N4BP1: variants seen among roughly 807,000 people sequenced by gnomAD.
N4BP1 encodes NEDD4-binding protein 1.
N4BP1 carries 21 observed loss-of-function variants against 70.9 expected under a neutral mutation model. That is an observed-to-expected ratio of 0.30 (90% CI 0.21 to 0.43). The LOEUF (loss-of-function observed/expected upper bound fraction) is 0.43. Among genes scored for constraint, N4BP1 ranks in the 20% least tolerant of loss-of-function variants. The pLI, the probability that N4BP1 is intolerant of heterozygous loss-of-function variation, is 1.00. For missense variants in N4BP1, 936 were observed against 1,069.4 expected, an observed-to-expected ratio of 0.88 and a Z score of 1.74; for synonymous variants, 387 against 394.6, an observed-to-expected ratio of 0.98 and a Z score of 0.23.
At chr16:48,602,201 G>C (rs1037275194) in intron 1 of N4BP1, among the ~76,000 whole-genome samples, 1 of 152,118 alleles carries the variant, frequency 6.6e-6, no homozygotes, top group African/African-American at 2.4e-5. Context: ...TCCAGCCTGG[G>C]CGACACAGTG....
At chr16:48,567,942 C>T (rs777779886) in intron 1 of N4BP1, among the ~76,000 whole-genome samples, 6 of 152,070 alleles carry the variant, frequency 3.9e-5, no homozygotes, top group Non-Finnish European at 8.8e-5. Flanking sequence ...CATACCAAGC[C>T]AATATTTCCC....
chr16:48,573,206 G>C (rs932432115), intron 1 of N4BP1, among the ~76,000 whole-genome samples: 3 of 152,044 alleles, frequency 2.0e-5, no homozygotes, highest in Admixed American at 2.0e-4. Flanking sequence ...GCTGCACTGG[G>C]TAACTAAAAA....
rs1963464522 is a variant in N4BP1 at position 48,539,752 on chromosome 16, A to G, written c.*3152T>C. 6.6e-6 allele frequency: 1 copy of G among 152,394 alleles called. No homozygotes were observed. Among genetic ancestry groups the G allele is most frequent in the Non-Finnish European group, 1.5e-5 (1 of 68,144 alleles). The allele number at this position is 152,394 out of a possible 1,614,324, so 9.4% of individuals were successfully genotyped here. On this transcript the variant is annotated 3_prime_UTR_variant, in exon 7 of 7. Transcript: ENST00000262384. The stretch of plus-strand genomic sequence containing the variant: ...GGGGAAAAGTCTGCAAGCCACCTGC[A>G]GAGGAAGAATAGGGTGTTAAGGACT...
intron 1 of N4BP1, among the ~76,000 whole-genome samples, chr16:48,573,108 C>CAA (rs67326386): frequency 3.3e-4 from 37 of 111,208 alleles, no homozygotes; most frequent in African/African-American, 9.8e-4. Flanking sequence ...GACCTTGTCT[C>CAA]AAAAAAAAAA....
In N4BP1 at chr16:48,586,781, TA is replaced by T. The variant is rs1457096114; in HGVS notation, c.198+22993del. On this transcript the variant is annotated intron_variant, in intron 1 of 6. Transcript: ENST00000262384. ...TTTCTTTGGAGTATTCTGTGTTTCT[TA>T]AATAGCTCAACATGATTAGTTTCTG... Among the ~76,000 whole-genome samples the T allele has an allele frequency of 3.3e-5, 5 of 152,248 alleles. No individual in the cohort carries two copies. In the East Asian group the frequency reaches 9.6e-4, roughly 29 times the overall value.
intron 1 of N4BP1, among the ~76,000 whole-genome samples, chr16:48,579,989 G>A (rs1210016511): frequency 6.6e-6 from 1 of 151,974 alleles, no homozygotes; most frequent in African/African-American, 2.4e-5. Context: ...TGAAGGGATA[G>A]ACTATAATAC....
chr16:48,544,960 G>A (rs1229697384), intron 6 of N4BP1, among the ~76,000 whole-genome samples: 3 of 151,978 alleles, frequency 2.0e-5, no homozygotes, highest in Admixed American at 1.3e-4. Flanking sequence ...TGGAAAACTA[G>A]CTTTGTTTTT....
At chr16:48,555,628 A>AT (rs1348429081) in intron 2 of N4BP1, among the ~76,000 whole-genome samples, 1 of 152,214 alleles carries the variant, frequency 6.6e-6, no homozygotes, top group Non-Finnish European at 1.5e-5. Flanking sequence ...AAGGTAACAA[A>AT]GTGACATTTT....
chr16:48,551,630 TAA>T, intron 3 of N4BP1, 148 bp from the exon 4 acceptor site: 1 of 481,368 alleles, frequency 2.1e-6, no homozygotes, highest in Admixed American at 3.8e-5. Context: ...CACTAGGAAT[TAA>T]AAAAAAAACA....
intron 1 of N4BP1, among the ~76,000 whole-genome samples, chr16:48,584,375 C>G (rs1723004902): frequency 6.6e-6 from 1 of 152,276 alleles, no homozygotes; most frequent in African/African-American, 2.4e-5. Context: ...ACTGTTGAAG[C>G]TGAAAGTTCT....
chr16:48,554,649 C>T (rs1229709100), intron 2 of N4BP1, among the ~76,000 whole-genome samples: 1 of 152,190 alleles, frequency 6.6e-6, no homozygotes, highest in Non-Finnish European at 1.5e-5. Flanking sequence ...CTTCAATGGT[C>T]ACTTAGATTC....
intron 1 of N4BP1, among the ~76,000 whole-genome samples, chr16:48,606,721 T>C (rs868792): frequency 0.41 from 61,735 of 152,054 alleles, 13,570 homozygotes; most frequent in African/African-American, 0.57. Flanking sequence ...TCCACATTCT[T>C]CTCTACTCTA....
At chr16:48,569,840 G>C (rs1397821514) in intron 1 of N4BP1, among the ~76,000 whole-genome samples, 1 of 152,324 alleles carries the variant, frequency 6.6e-6, no homozygotes, top group African/African-American at 2.4e-5. Flanking sequence ...TTGGGGATGA[G>C]CCAAGGGGAT....
At chr16:48,599,108 C>T (rs572125883) in intron 1 of N4BP1, among the ~76,000 whole-genome samples, 4 of 152,226 alleles carry the variant, frequency 2.6e-5, no homozygotes, top group Non-Finnish European at 5.9e-5. Flanking sequence ...AGGGTACAAG[C>T]TTGGAGAACT....
intron 1 of N4BP1, among the ~76,000 whole-genome samples, chr16:48,606,921 T>A (rs1019185174): frequency 5.9e-5 from 9 of 152,204 alleles, no homozygotes; most frequent in African/African-American, 1.7e-4. Context: ...ATATTATAGA[T>A]GTTGGATCAA....
chr16:48,602,475 C>A (rs965209873), intron 1 of N4BP1, among the ~76,000 whole-genome samples: 1 of 152,130 alleles, frequency 6.6e-6, no homozygotes, highest in Admixed American at 6.5e-5. Flanking sequence ...TACAGGCAAT[C>A]ACTTCTGACC....
At chr16:48,548,333 T>C (rs1963618222) in intron 4 of N4BP1, among the ~76,000 whole-genome samples, 1 of 152,234 alleles carries the variant, frequency 6.6e-6, no homozygotes, top group African/African-American at 2.4e-5. Context: ...TTGTCTTTCA[T>C]ACAATTTCTT....
At chr16:48,570,246 T>C (rs1386334065) in intron 1 of N4BP1, among the ~76,000 whole-genome samples, 1 of 152,234 alleles carries the variant, frequency 6.6e-6, no homozygotes, top group Non-Finnish European at 1.5e-5. Flanking sequence ...TCCTGGTGTG[T>C]CCTGGTGCCC....
chr16:48,581,113 AAG>A (rs1255088807), intron 1 of N4BP1, among the ~76,000 whole-genome samples: 1 of 152,172 alleles, frequency 6.6e-6, no homozygotes, highest in Non-Finnish European at 1.5e-5. Context: ...CAAGGAATGC[AAG>A]GATGGCTGAA....
Sources: gnomAD v4.1 joint callset for allele counts (sites outside exome capture counted in the v4.1 genomes callset) on GRCh38, gnomAD v4.1.1 for gene constraint, MANE v1.5 for transcripts, NCBI Gene and HGNC (gene_info 2026-07-23, HGNC 2026-07-21) for gene names.